The following TMTC4 variants were observed in gnomAD, a reference collection of about 807,000 sequenced individuals.
TMTC4 encodes the protein protein O-mannosyl-transferase TMTC4.
A neutral mutation model predicts 86.0 loss-of-function variants in TMTC4; 65 were observed. That is an observed-to-expected ratio of 0.76 (90% CI 0.62 to 0.93). The LOEUF (loss-of-function observed/expected upper bound fraction) is 0.93. Among genes scored for constraint, TMTC4 ranks in the 40% least tolerant of loss-of-function variants. TMTC4 has a pLI of 0.00. For synonymous variants in TMTC4, 379 were observed against 382.5 expected (o/e 0.99, Z 0.11); for missense variants, 866 against 948.1 (o/e 0.91, Z 1.14).
chr13:100,626,665 C>T (rs1880599540), intron 12 of TMTC4, among the ~76,000 whole-genome samples: 1 of 152,168 alleles, frequency 6.6e-6, no homozygotes, highest in Non-Finnish European at 1.5e-5. Flanking sequence ...CTCACCTACA[C>T]ACTCCACTAG....
intron 15 of TMTC4, among the ~76,000 whole-genome samples, chr13:100,620,718 C>T (rs912042946): frequency 2.0e-5 from 3 of 152,152 alleles, no homozygotes; most frequent in Admixed American, 2.0e-4. Context: ...CCAGTAATTG[C>T]GCTCTTCCTG....
chr13:100,651,893 A>C (rs563850624), intron 6 of TMTC4, among the ~76,000 whole-genome samples: 1 of 152,230 alleles, frequency 6.6e-6, no homozygotes, highest in Non-Finnish European at 1.5e-5. Context: ...ATAAAAAATG[A>C]CTTGTCTACC....
chr13:100,657,334 T>C (rs1362080452), intron 5 of TMTC4, among the ~76,000 whole-genome samples: 1 of 152,226 alleles, frequency 6.6e-6, no homozygotes, highest in African/African-American at 2.4e-5. Context: ...ACTGATTAAG[T>C]GGGTTAACCT....
chr13:100,648,605 A>C (rs1268170346), intron 6 of TMTC4, among the ~76,000 whole-genome samples: 1 of 152,172 alleles, frequency 6.6e-6, no homozygotes, highest in African/African-American at 2.4e-5. Context: ...GAAAACTCAG[A>C]AAATAGGAAA....
chr13:100,608,296 T>C (rs1046376449), intron 17 of TMTC4, among the ~76,000 whole-genome samples: 7 of 152,092 alleles, frequency 4.6e-5, no homozygotes, highest in African/African-American at 1.4e-4. Flanking sequence ...GACACCTTGT[T>C]AGAGGGCCAC....
chr13:100,649,762 A>AAAATAAATAAATAAAT (rs3059451), intron 6 of TMTC4, among the ~76,000 whole-genome samples: 12 of 148,684 alleles, frequency 8.1e-5, no homozygotes, highest in African/African-American at 2.9e-4. Flanking sequence ...ATTCTTCTTC[A>AAAATAAATAAATAAAT]AAATAAATAA....
rs998489764 is a variant in TMTC4, at chr13:100,668,677, C to A, written c.121G>T (p.Ala41Ser). ...LPSSVLPPFW[A>S]KLVVGSVAIV... ...GCAACCGATCCCACTACTAACTTAGCCCAGAATGGAGGAAGAACAGAAGAT... is the reference window on the plus strand; with the variant it reads ...GCAACCGATCCCACTACTAACTTAGACCAGAATGGAGGAAGAACAGAAGAT... The change falls in exon 3 of 19, where the codon GCT becomes TCT. Residue 41 changes from alanine (A) to serine (S), a missense_variant. Physicochemically the swap from Ala to Ser is moderately conservative, Grantham distance 99 (BLOSUM62 1). Coordinates refer to ENST00000342624, the MANE Select transcript of TMTC4 (RefSeq NM_032813.5). 11 of 1,614,090 alleles carry A rather than the reference C, an allele frequency of 6.8e-6. No individual in the cohort carries two copies. In the African/African-American group the frequency reaches 1.2e-4, roughly 18 times the overall value.
chr13:100,658,048 A>G (rs1044426192), intron 5 of TMTC4, among the ~76,000 whole-genome samples: 1 of 152,188 alleles, frequency 6.6e-6, no homozygotes, highest in Non-Finnish European at 1.5e-5. Flanking sequence ...CAGATCTGGA[A>G]CAAGTATGCC....
chr13:100,615,324 A>T (rs1878304461), intron 15 of TMTC4, among the ~76,000 whole-genome samples: 1 of 151,902 alleles, frequency 6.6e-6, no homozygotes, highest in South Asian at 2.1e-4. Context: ...TTTTGAGTAG[A>T]GACGGGGTTT....
At position 100,668,566 on chromosome 13, in the gene TMTC4, T is replaced by C. The variant is rs757018841; in HGVS notation, c.219+13A>G. The C allele has an allele frequency of 2.5e-6, 4 of 1,611,448 alleles. No homozygotes were observed. The highest frequency in any genetic ancestry group is 1.3e-5 in the African/African-American group (1 of 74,552). The stretch of plus-strand genomic sequence containing the variant: ...GGCAGTTAAGTTTACCAGAAAAGAG[T>C]TGAGATACAAACCTTATTGTTAACA... On this transcript the variant is annotated intron_variant, in intron 3 of 18. Transcript: ENST00000342624.
chr13:100,662,818 T>A (rs550509065), intron 5 of TMTC4, 146 bp downstream of exon 5: 2 of 779,952 alleles, frequency 2.6e-6, no homozygotes, highest in Admixed American at 2.7e-5. Flanking sequence ...CCTTTCTATT[T>A]CTAGAGTATG....
chr13:100,642,086 C>A, intron 7 of TMTC4, 125 bp downstream of exon 7: 1 of 940,320 alleles, frequency 1.1e-6, no homozygotes, highest in Non-Finnish European at 1.6e-6. Context: ...AGGTCTATCA[C>A]CTCAGGCCAG....
chr13:100,608,116 A>C (rs540783645), intron 17 of TMTC4, among the ~76,000 whole-genome samples: 1 of 152,382 alleles, frequency 6.6e-6, no homozygotes, highest in East Asian at 1.9e-4. Context: ...TGTTAACTTG[A>C]GAGAAATGGC....
intron 12 of TMTC4, among the ~76,000 whole-genome samples, chr13:100,631,951 A>C (rs1032249666): frequency 1.3e-5 from 2 of 150,638 alleles, no homozygotes; most frequent in Admixed American, 1.3e-4. Context: ...TTGAGAAAGG[A>C]CTATTACCAC....
chr13:100,670,018 G>A (rs1886892420), intron 2 of TMTC4, among the ~76,000 whole-genome samples: 2 of 152,214 alleles, frequency 1.3e-5, no homozygotes, highest in East Asian at 1.9e-4. Context: ...AGGGGAGGCC[G>A]GCTACTATTA....
chr13:100,629,413 G>A (rs922653843), intron 12 of TMTC4, among the ~76,000 whole-genome samples: 13 of 152,062 alleles, frequency 8.5e-5, no homozygotes, highest in East Asian at 5.8e-4. Flanking sequence ...CTTTCCTCAC[G>A]GTGGCTCGAG....
intron 1 of TMTC4, among the ~76,000 whole-genome samples, chr13:100,673,451 T>G (rs1887389236): frequency 6.6e-6 from 1 of 152,238 alleles, no homozygotes; most frequent in African/African-American, 2.4e-5. Context: ...AGCCATCCTA[T>G]GCACGCTGAG....
Position 100,625,599 on chromosome 13 carries a change from C to G in TMTC4, c.1772G>C (p.Ser591Thr). 1 of 1,614,206 alleles carries G rather than the reference C, an allele frequency of 6.2e-7. No individual in the cohort carries two copies. Among genetic ancestry groups the G allele is most frequent in the Non-Finnish European group, 8.5e-7 (1 of 1,180,046 alleles). ...SLKRFEAAEQ[S>T]YRTAIKHRRK... is the part of the protein sequence containing the mutation. ...TCTGTGTTTAATTGCTGTCCGGTAA[C>G]TTTGCTCTGCTGCTTCAAACCGTTT... Residue 591 changes from serine to threonine, a missense_variant, in exon 15 of 19, where the codon AGT becomes ACT. Physicochemically the swap from Ser to Thr is moderately conservative, Grantham distance 58 (BLOSUM62 1). Coordinates refer to ENST00000342624, the MANE Select transcript of TMTC4 (RefSeq NM_032813.5).
chr13:100,657,955 A>C (rs1390582819), intron 5 of TMTC4, among the ~76,000 whole-genome samples: 3 of 152,158 alleles, frequency 2.0e-5, no homozygotes, highest in Non-Finnish European at 4.4e-5. Context: ...GGAAAATTGA[A>C]TAAGCTGATA....
Sources: allele counts gnomAD v4.1 joint callset (sites outside exome capture counted in the v4.1 genomes callset), GRCh38; gene constraint gnomAD v4.1.1; transcripts MANE v1.5; gene names NCBI Gene and HGNC (gene_info 2026-07-23, HGNC 2026-07-21).